THRB: variants seen among roughly 807,000 people sequenced by gnomAD.
The protein encoded by THRB is thyroid hormone receptor beta.
In THRB, 12 loss-of-function variants were observed where a neutral mutation model predicts 47.8. The observed-to-expected ratio is 0.25, with a 90% CI of 0.16 to 0.41. The LOEUF is 0.41. THRB is among the 10% of genes least tolerant of loss of function. THRB has a pLI of 1.00. For synonymous variants in THRB, 218 were observed against 212.2 expected (o/e 1.03, Z -0.24); for missense variants, 348 against 589.2 (o/e 0.59, Z 4.24).
intron 1 of THRB, among the ~76,000 whole-genome samples, chr3:24,372,339 C>A (rs996874064): frequency 6.6e-6 from 1 of 152,064 alleles, no homozygotes; most frequent in Middle Eastern, 3.2e-3. Flanking sequence ...GCTCTCTTAT[C>A]CTTCGACCCC....
intron 8 of THRB, among the ~76,000 whole-genome samples, chr3:24,138,718 C>T (rs142326281): frequency 6.6e-6 from 1 of 152,304 alleles, no homozygotes; most frequent in Non-Finnish European, 1.5e-5. Flanking sequence ...GAGCTATGCA[C>T]ACAGACCAAA....
At chr3:24,257,295 T>G (rs561196963) in intron 3 of THRB, among the ~76,000 whole-genome samples, 7 of 152,270 alleles carry the variant, frequency 4.6e-5, no homozygotes, top group Admixed American at 3.3e-4. Context: ...TTGATACCTT[T>G]TCATTAAATA....
At chr3:24,281,039 C>G (rs1201171105) in intron 3 of THRB, among the ~76,000 whole-genome samples, 1 of 151,938 alleles carries the variant, frequency 6.6e-6, no homozygotes, top group Non-Finnish European at 1.5e-5. Context: ...GAGAACTTCC[C>G]CAATCTAGCA....
intron 3 of THRB, among the ~76,000 whole-genome samples, chr3:24,255,175 T>C (rs951916092): frequency 3.3e-5 from 5 of 152,340 alleles, no homozygotes; most frequent in African/African-American, 9.6e-5. Flanking sequence ...CCAGTATTTT[T>C]GTTAAAGCAC....
chr3:24,390,253 C>G (rs1306596670), intron 1 of THRB, among the ~76,000 whole-genome samples: 1 of 152,112 alleles, frequency 6.6e-6, no homozygotes, highest in East Asian at 1.9e-4. Flanking sequence ...GGCATGAGCC[C>G]TCTCCCAATC....
chr3:24,350,088 A>G (rs2063273969), intron 1 of THRB, among the ~76,000 whole-genome samples: 2 of 152,126 alleles, frequency 1.3e-5, no homozygotes, highest in African/African-American at 4.8e-5. Context: ...ACACAAGAAG[A>G]TACTCAAATG....
chr3:24,242,967 T>C (rs149803429), intron 3 of THRB, among the ~76,000 whole-genome samples: 2 of 150,996 alleles, frequency 1.3e-5, no homozygotes, highest in Non-Finnish European at 2.9e-5. Context: ...TCTGTGGGGT[T>C]TTGTTTCCTA....
At chr3:24,205,471 G>T (rs1057218652) in intron 4 of THRB, among the ~76,000 whole-genome samples, 1 of 152,122 alleles carries the variant, frequency 6.6e-6, no homozygotes, top group African/African-American at 2.4e-5. Context: ...GTCACCACCA[G>T]GCCTGCCCTA....
Position 24,122,621 on chromosome 3 carries a change from A to G in THRB, c.*263T>C. On this transcript the variant is annotated 3_prime_UTR_variant, in exon 11 of 11. Coordinates refer to ENST00000646209, the MANE Select transcript of THRB (RefSeq NM_001354712.2). ...GAGCTGGTGATGCTTGGTGCTGGTG[A>G]GTTAATGATTGTCCCCCACCCCACC... The G allele has an allele frequency of 2.0e-6, 1 of 504,032 alleles. No individual in the cohort carries two copies. 31.2% of individuals were successfully genotyped at this position (504,032 alleles called of 1,614,324 possible).
At chr3:24,355,426 C>A (rs2063613307) in intron 1 of THRB, among the ~76,000 whole-genome samples, 1 of 152,052 alleles carries the variant, frequency 6.6e-6, no homozygotes, top group Admixed American at 6.6e-5. Flanking sequence ...AGAATTGTTA[C>A]CAAAGACATG....
chr3:24,166,732 G>A (rs1030612482), intron 5 of THRB, among the ~76,000 whole-genome samples: 4 of 152,212 alleles, frequency 2.6e-5, no homozygotes, highest in East Asian at 3.9e-4. Context: ...AGGTGGTTAC[G>A]TTTACATTTG....
rs115521832 is a variant in THRB at position 24,351,616 on chromosome 3, C to G, written c.-260-14245G>C. ...GGTCAACTTCTTATAGTGTATGCAT[C>G]TTTAGAAATTGTCTTAATCTTTTCC... On this transcript the variant is annotated intron_variant, in intron 1 of 10. Coordinates refer to ENST00000646209, the MANE Select transcript of THRB (RefSeq NM_001354712.2). 8.1e-3 allele frequency among the ~76,000 whole-genome samples: 1,227 copies of G among 152,210 alleles called. 18 individuals carry two copies. Among genetic ancestry groups the G allele is most frequent in the African/African-American group, 0.028 (1,165 of 41,562 alleles).
At chr3:24,267,613 G>T (rs914622830) in intron 3 of THRB, among the ~76,000 whole-genome samples, 2 of 152,254 alleles carry the variant, frequency 1.3e-5, no homozygotes, top group African/African-American at 4.8e-5. Flanking sequence ...ATTGATATTT[G>T]ATCAGGTTCA....
chr3:24,259,836 T>A (rs145120700), intron 3 of THRB, among the ~76,000 whole-genome samples: 5 of 152,222 alleles, frequency 3.3e-5, no homozygotes, highest in African/African-American at 4.8e-5. Flanking sequence ...TGTTTTCATC[T>A]ATACAAATAG....
intron 1 of THRB, among the ~76,000 whole-genome samples, chr3:24,477,006 GA>G (rs1695561283): frequency 7.3e-6 from 1 of 137,874 alleles, no homozygotes; most frequent in Non-Finnish European, 1.5e-5. Context: ...TGGTTTTCAA[GA>G]TTTTTTTTTT....
chr3:24,211,269 A>G (rs1174396293), intron 4 of THRB, among the ~76,000 whole-genome samples: 4 of 152,116 alleles, frequency 2.6e-5, no homozygotes, highest in African/African-American at 9.7e-5. Flanking sequence ...ACACATAAGT[A>G]TATTTGTGAT....
chr3:24,458,955 T>C lies in THRB; in HGVS notation c.-261+35697A>G, dbSNP rs1048531252. 4 of 150,990 alleles carry C rather than the reference T, an allele frequency of 2.6e-5. No individual in the cohort carries two copies. In the East Asian group the frequency reaches 7.7e-4, roughly 29 times the overall value. The allele number at this position is 150,990 out of a possible 1,614,324, so 9.4% of individuals were successfully genotyped here. A position where few individuals can be genotyped will look rare whatever the true frequency, so the allele number is the denominator to read the frequency against. On this transcript the variant is annotated intron_variant, in intron 1 of 10. Transcript: ENST00000646209. The stretch of plus-strand genomic sequence containing the variant: ...TATGTATTTATTATTTATTTATAAA[T>C]ATTTATATATTTATTTATTATACTT...
chr3:24,273,920 C>T (rs545211177), intron 3 of THRB, among the ~76,000 whole-genome samples: 1 of 152,190 alleles, frequency 6.6e-6, no homozygotes, highest in Admixed American at 6.5e-5. Flanking sequence ...TCAGAAAGGC[C>T]TATCCTTTAT....
intron 1 of THRB, among the ~76,000 whole-genome samples, chr3:24,437,810 C>T (rs963334417): frequency 2.6e-5 from 4 of 151,876 alleles, no homozygotes; most frequent in Non-Finnish European, 5.9e-5. Context: ...ACTAAATTTA[C>T]CCAGCAGGAA....
Sources: allele counts gnomAD v4.1 joint callset (sites outside exome capture counted in the v4.1 genomes callset), GRCh38; gene constraint gnomAD v4.1.1; transcripts MANE v1.5; gene names NCBI Gene and HGNC (gene_info 2026-07-23, HGNC 2026-07-21).